DOCK3: variants seen among roughly 807,000 people sequenced by gnomAD.
DOCK3 encodes the protein dedicator of cytokinesis 3, also known as dedicator of cytokinesis protein 3.
Under a neutral mutation model 265.6 loss-of-function variants are expected in DOCK3, and 60 were observed. The ratio of observed to expected loss-of-function variants is 0.23; its 90% CI spans 0.18 to 0.28. The LOEUF is 0.28. DOCK3 is among the 10% of genes least tolerant of loss of function. The pLI is 1.00. For synonymous variants in DOCK3, 881 were observed against 938.0 expected (o/e 0.94, Z 1.11); for missense variants, 1,981 against 2,594.3 (o/e 0.76, Z 5.14).
At chr3:51,055,197 A>G (rs1287715293) in intron 5 of DOCK3, among the ~76,000 whole-genome samples, 1 of 152,148 alleles carries the variant, frequency 6.6e-6, no homozygotes, top group East Asian at 1.9e-4. Context: ...TCCATTCTTC[A>G]TATGCAGGTA....
chr3:50,927,291 A>G (rs2050806522), intron 4 of DOCK3, among the ~76,000 whole-genome samples: 1 of 152,190 alleles, frequency 6.6e-6, no homozygotes, highest in African/African-American at 2.4e-5. Context: ...GTGGGGGATG[A>G]GGAGGGATTG....
intron 1 of DOCK3, among the ~76,000 whole-genome samples, chr3:50,736,142 C>T (rs989642684): frequency 6.6e-6 from 1 of 152,144 alleles, no homozygotes; most frequent in Non-Finnish European, 1.5e-5. Flanking sequence ...TGAGTGAGAA[C>T]ATGCAGTGTT....
At chr3:51,303,002 C>T (rs1473871393) in intron 27 of DOCK3, among the ~76,000 whole-genome samples, 1 of 152,076 alleles carries the variant, frequency 6.6e-6, no homozygotes. Context: ...TGGGTGATAT[C>T]CTGAAGTATG....
intron 3 of DOCK3, chr3:50,877,439 C>T (rs887076815): frequency 3.8e-6 from 2 of 520,034 alleles, no homozygotes; most frequent in Non-Finnish European, 3.8e-6. Flanking sequence ...TGTGTGCTTT[C>T]CCTCACCACT....
intron 27 of DOCK3, among the ~76,000 whole-genome samples, chr3:51,308,532 G>C (rs1159518319): frequency 6.6e-6 from 1 of 151,530 alleles, no homozygotes. Context: ...CACAGGGTTG[G>C]GGGTAAGGTC....
At chr3:51,237,462 C>T (rs772532316) in intron 20 of DOCK3, 28 bp from the exon 21 acceptor site, 1 of 1,565,670 alleles carries the variant, frequency 6.4e-7, no homozygotes, top group South Asian at 1.1e-5. Flanking sequence ...CCAGTGAACC[C>T]TGATGGCTTA....
intron 14 of DOCK3, among the ~76,000 whole-genome samples, chr3:51,223,440 C>T (rs928567171): frequency 1.3e-5 from 2 of 151,834 alleles, no homozygotes; most frequent in Admixed American, 1.3e-4. Flanking sequence ...AGAATAACTT[C>T]CAGAGAGTTC....
rs549340366 is a variant in DOCK3, at chr3:51,168,855, C to T, written c.1037+8153C>T. Among the ~76,000 whole-genome samples, 4 of 151,398 alleles carry T rather than the reference C, an allele frequency of 2.6e-5. No individual in the cohort carries two copies. In the East Asian group the frequency reaches 5.8e-4, roughly 22 times the overall value. ...GCAAACTATGCATCTGACAAAGGTCCAATATCTAGCATTGATAAGGAACTT... is the reference window on the plus strand; with the variant it reads ...GCAAACTATGCATCTGACAAAGGTCTAATATCTAGCATTGATAAGGAACTT... On this transcript the variant is annotated intron_variant, in intron 12 of 52. Transcript: ENST00000266037.
intron 5 of DOCK3, among the ~76,000 whole-genome samples, chr3:51,034,639 T>C (rs747214180): frequency 1.3e-5 from 2 of 152,094 alleles, no homozygotes; most frequent in African/African-American, 4.8e-5. Context: ...TTTAAAGAAA[T>C]CAATAGCAAA....
chr3:50,736,387 A>G (rs1481920698), intron 1 of DOCK3, among the ~76,000 whole-genome samples: 1 of 152,224 alleles, frequency 6.6e-6, no homozygotes, highest in Admixed American at 6.5e-5. Context: ...TTATAGCAGC[A>G]TGATTTATAA....
intron 10 of DOCK3, among the ~76,000 whole-genome samples, chr3:51,155,408 G>T (rs944591125): frequency 1.3e-5 from 2 of 152,120 alleles, no homozygotes; most frequent in African/African-American, 4.8e-5. Context: ...AATTATATAG[G>T]TGGGACCTGT....
intron 9 of DOCK3, among the ~76,000 whole-genome samples, chr3:51,131,190 A>G (rs1371659556): frequency 6.6e-6 from 1 of 152,182 alleles, no homozygotes; most frequent in Non-Finnish European, 1.5e-5. Flanking sequence ...CCACAGGCTC[A>G]GTCAGATGAC....
At chr3:50,879,764 C>G (rs2047929119) in intron 3 of DOCK3, among the ~76,000 whole-genome samples, 1 of 149,982 alleles carries the variant, frequency 6.7e-6, no homozygotes, top group Admixed American at 6.6e-5. Context: ...TTGAACTCAG[C>G]TCTGCACCAA....
chr3:51,357,061 G>A lies in DOCK3; in HGVS notation c.4603G>A (p.Gly1535Ser). ...ISQYQHKQVH[G>S]NINLLSMCLN... is the part of the protein sequence containing the mutation. ...CCAGTATCAACACAAGCAGGTGCAT[G>A]GCAACATTAACCTGCTAAGCATGTG... Residue 1535 changes from glycine to serine, a missense_variant, in exon 44 of 53, where the codon GGC (glycine) becomes AGC (serine). Physicochemically the swap from Gly to Ser is moderately conservative, Grantham distance 56 (BLOSUM62 0). Around this residue, in one of 4 missense-constraint regions of DOCK3, gnomAD observed 1,357 missense variants for 1,866.8 expected, o/e 0.73. Coordinates refer to ENST00000266037, the MANE Select transcript of DOCK3 (RefSeq NM_004947.5). The A allele has an allele frequency of 6.2e-7, 1 of 1,613,286 alleles. No individual in the cohort carries two copies. The highest frequency in any genetic ancestry group is 8.5e-7 in the Non-Finnish European group (1 of 1,179,900).
chr3:50,718,172 A>G (rs1186220116), intron 1 of DOCK3, among the ~76,000 whole-genome samples: 1 of 151,800 alleles, frequency 6.6e-6, no homozygotes, highest in Non-Finnish European at 1.5e-5. Context: ...TGTCACTCTA[A>G]TCTCCATATT....
rs1303854882 is a variant in DOCK3, at chr3:50,778,670, T to C, written c.38-5T>C. ...TAATTGGTGTGTTTATCCTTGCTTTTCTAGTGATATGCAGCTTTCGAGGAT... is the reference window on the plus strand; with the variant it reads ...TAATTGGTGTGTTTATCCTTGCTTTCCTAGTGATATGCAGCTTTCGAGGAT... On this transcript the variant is annotated splice_region_variant and splice_polypyrimidine_tract_variant and intron_variant, in intron 1 of 52. Transcript: ENST00000266037. The C allele has an allele frequency of 6.3e-7, 1 of 1,577,778 alleles. No individual in the cohort carries two copies. The highest frequency in any genetic ancestry group is 2.3e-5 in the East Asian group (1 of 43,798).
At chr3:51,271,932 C>A (rs960291683) in intron 24 of DOCK3, among the ~76,000 whole-genome samples, 1 of 151,056 alleles carries the variant, frequency 6.6e-6, no homozygotes, top group Non-Finnish European at 1.5e-5. Flanking sequence ...CCATTCGATA[C>A]CTTTCCAGTC....
chr3:50,886,615 GTTCTCATTGT>G (rs2048353572), intron 3 of DOCK3, among the ~76,000 whole-genome samples: 1 of 136,568 alleles, frequency 7.3e-6, no homozygotes, highest in Admixed American at 8.5e-5. Context: ...GTGTCCATGT[GTTCTCATTGT>G]TCAATTCCCA....
At chr3:50,855,764 G>A (rs1216884961) in intron 3 of DOCK3, among the ~76,000 whole-genome samples, 3 of 152,144 alleles carry the variant, frequency 2.0e-5, no homozygotes, top group East Asian at 3.9e-4. Flanking sequence ...GTGGTTGGCT[G>A]CACGGATCAT....
Sources: gnomAD v4.1 joint callset for allele counts (sites outside exome capture counted in the v4.1 genomes callset) on GRCh38, gnomAD v4.1.1 for gene constraint, gnomAD v4.1.1 regional missense constraint, MANE v1.5 for transcripts, NCBI Gene and HGNC (gene_info 2026-07-23, HGNC 2026-07-21) for gene names.